ELAC2: variants seen among roughly 807,000 people sequenced by gnomAD.
ELAC2 encodes the protein elaC ribonuclease Z 2, also known as zinc phosphodiesterase ELAC protein 2.
ELAC2 carries 92 observed loss-of-function variants against 105.2 expected under a neutral mutation model. The ratio of observed to expected loss-of-function variants is 0.87; its 90% CI spans 0.74 to 1.04. The LOEUF (loss-of-function observed/expected upper bound fraction) is 1.04, where lower values mean the gene tolerates loss of function less well. Among genes scored for constraint, ELAC2 ranks in the 50% least tolerant of loss-of-function variants. ELAC2 has a pLI of 0.00. For missense variants in ELAC2, 1,099 were observed against 1,071.7 expected, an observed-to-expected ratio of 1.03 and a Z score of -0.36; for synonymous variants, 468 against 409.1, an observed-to-expected ratio of 1.14 and a Z score of -1.74.
intron 6 of ELAC2, among the ~76,000 whole-genome samples, chr17:13,012,243 A>T (rs2041456356): frequency 6.6e-6 from 1 of 152,246 alleles, no homozygotes; most frequent in African/African-American, 2.4e-5. Flanking sequence ...GGACACTGAA[A>T]AAACAGTGAT....
intron 8 of ELAC2, 175 bp from the exon 9 acceptor site, chr17:13,006,154 T>C: frequency 4.4e-6 from 3 of 679,602 alleles, no homozygotes; most frequent in Non-Finnish European, 5.2e-6. Context: ...GCAGATCACC[T>C]GAGGTCAGGA....
rs771550822 is a variant in ELAC2, at chr17:13,017,850, C to T, written c.98G>A (p.Arg33His). 4 of 1,564,686 alleles carry T rather than the reference C, an allele frequency of 2.6e-6. No homozygotes were observed. The highest frequency in any genetic ancestry group is 1.9e-5 in the Admixed American group (1 of 53,186). ...SQAPARRERPRKDPLRHLRTR... is the reference protein window; with the variant it reads ...SQAPARRERPHKDPLRHLRTR... ...GCGCAGGTGCCGCAGCGGGTCCTTGCGCGGCCGCTCGCGGCGGGCGGGTGC... is the reference window on the plus strand; with the variant it reads ...GCGCAGGTGCCGCAGCGGGTCCTTGTGCGGCCGCTCGCGGCGGGCGGGTGC... Residue 33 changes from arginine (R) to histidine (H), a missense_variant, in exon 1 of 24, where the codon CGC (arginine) becomes CAC (histidine). Physicochemically the swap from Arg to His is conservative, Grantham distance 29. Coordinates refer to ENST00000338034, the MANE Select transcript of ELAC2 (RefSeq NM_018127.7).
intron 16 of ELAC2, among the ~76,000 whole-genome samples, chr17:12,997,462 C>T (rs1006473132): frequency 4.6e-5 from 7 of 152,116 alleles, no homozygotes; most frequent in Admixed American, 1.3e-4. Flanking sequence ...AGTCGGGAGG[C>T]GGAGGCAAGG....
chr17:12,996,826 A>C, intron 16 of ELAC2, 141 bp from the exon 17 acceptor site: 1 of 1,145,350 alleles, frequency 8.7e-7, no homozygotes, highest in Non-Finnish European at 1.3e-6. Context: ...AGCTAATATA[A>C]AAGCCAATTA....
chr17:13,009,633 G>C (rs1008190295), intron 8 of ELAC2, among the ~76,000 whole-genome samples: 1 of 152,144 alleles, frequency 6.6e-6, no homozygotes, highest in Non-Finnish European at 1.5e-5. Context: ...TGGAGTTGAA[G>C]GAAAACAAAC....
At chr17:12,993,118 C>T in intron 23 of ELAC2, 73 bp from the exon 24 acceptor site, 1 of 1,452,530 alleles carries the variant, frequency 6.9e-7, no homozygotes, top group Non-Finnish European at 9.5e-7. Flanking sequence ...GGAAGGGATG[C>T]AGTCATGTGC....
intron 8 of ELAC2, 24 bp from the exon 9 acceptor site, chr17:13,006,003 T>G: frequency 1.2e-6 from 2 of 1,609,684 alleles, no homozygotes; most frequent in Non-Finnish European, 1.7e-6. Flanking sequence ...AACATAGATG[T>G]GATCTTAGGG....
chr17:12,997,120 C>T (rs1000653888), intron 16 of ELAC2, among the ~76,000 whole-genome samples: 2 of 152,074 alleles, frequency 1.3e-5, no homozygotes, highest in South Asian at 2.1e-4. Flanking sequence ...TGCAAGTGGT[C>T]GGGGTTTCCT....
Position 12,992,832 on chromosome 17 carries a change from C to G in ELAC2, c.2467G>C (p.Val823Leu). ...AHTEEPQAKK[V>L]RAQ is the part of the protein sequence containing the mutation. Reference sequence around the variant, plus strand: ...CTCCCAGATCTTCACTGGGCTCTGACCTTCTTGGCCTGTGGCTCCTCTGTG... The same window carrying G: ...CTCCCAGATCTTCACTGGGCTCTGAGCTTCTTGGCCTGTGGCTCCTCTGTG... The change falls in exon 24 of 24, where the codon GTC becomes CTC. Residue 823 changes from valine to leucine, a missense_variant. Transcript: ENST00000338034. 1 of 1,614,010 alleles carries G rather than the reference C, an allele frequency of 6.2e-7. No individual in the cohort carries two copies. Among genetic ancestry groups the G allele is most frequent in the East Asian group, 2.2e-5 (1 of 44,844 alleles).
At chr17:13,006,566 A>G (rs1384828840) in intron 8 of ELAC2, 4 of 159,774 alleles carry the variant, frequency 2.5e-5, no homozygotes, top group African/African-American at 9.6e-5. Context: ...ATGTAATTCA[A>G]TATGAAAGTT....
chr17:13,011,890 C>T (rs540147448), intron 6 of ELAC2, 108 bp from the exon 7 acceptor site: 138 of 1,539,808 alleles, frequency 9.0e-5, no homozygotes, highest in Non-Finnish European at 1.1e-4. Flanking sequence ...AATCAGCACA[C>T]CTTTTACTAT....
chr17:13,017,363 G>T, intron 1 of ELAC2: 1 of 625,396 alleles, frequency 1.6e-6, no homozygotes, highest in East Asian at 2.7e-5. Context: ...CTCCACCACC[G>T]GCTACACACC....
intron 4 of ELAC2, 61 bp from the exon 5 acceptor site, chr17:13,014,557 T>A: frequency 8.0e-7 from 1 of 1,242,388 alleles, no homozygotes; most frequent in Non-Finnish European, 1.2e-6. Context: ...CAGCAACTAT[T>A]CAAGTATTTA....
intron 1 of ELAC2, 188 bp downstream of exon 1, chr17:13,017,515 A>T: frequency 8.1e-7 from 1 of 1,239,540 alleles, no homozygotes; most frequent in Non-Finnish European, 1.1e-6. Context: ...GAAGTTCTTC[A>T]CAGATCCGCA....
Position 13,005,060 on chromosome 17 carries a change from A to G in ELAC2, c.912T>C (p.Ala304=), listed in dbSNP as rs778726624. The change falls in exon 11 of 24, where the codon GCT becomes GCC. Residue 304 remains alanine (A), a synonymous_variant. Transcript: ENST00000338034. ...CTGGACATTCTACCACCACAAAAGC[A>G]GCACCAGGATCTGGAGGAGTACACA... ...EELCTPPDPG[A]AFVVVECPDE... 1 of 1,614,232 alleles carries G rather than the reference A, an allele frequency of 6.2e-7. No homozygotes were observed. Among genetic ancestry groups the G allele is most frequent in the East Asian group, 2.2e-5 (1 of 44,886 alleles).
rs762659201 is a variant in ELAC2 at position 12,992,954 on chromosome 17, C to G, written c.2345G>C (p.Arg782Thr). 7 of 1,602,450 alleles carry G rather than the reference C, an allele frequency of 4.4e-6. No individual in the cohort carries two copies. Among genetic ancestry groups the G allele is most frequent in the Non-Finnish European group, 6.0e-6 (7 of 1,172,166 alleles). The change falls in exon 24 of 24, where the codon AGG becomes ACG. Residue 782 changes from arginine (R) to threonine (T), a missense_variant. Physicochemically the swap from Arg to Thr is moderately conservative, Grantham distance 71. Coordinates refer to ENST00000338034, the MANE Select transcript of ELAC2 (RefSeq NM_018127.7). Reference sequence around the variant, plus strand: ...CACCTGCCGCAGCTCCCGCTTCTCCCTGCGCTCCTCCATCTCCTCGATGTC... The same window carrying G: ...CACCTGCCGCAGCTCCCGCTTCTCCGTGCGCTCCTCCATCTCCTCGATGTC... ...AGDIEEMEER[R>T]EKRELRQVRA...
intron 1 of ELAC2, chr17:13,017,416 G>GA: frequency 4.7e-6 from 3 of 641,518 alleles, no homozygotes; most frequent in African/African-American, 1.8e-5. Flanking sequence ...CACTGGCCTT[G>GA]GGGTGCACGG....
chr17:13,011,930 C>T, intron 6 of ELAC2, 148 bp from the exon 7 acceptor site: 2 of 1,324,156 alleles, frequency 1.5e-6, no homozygotes, highest in Non-Finnish European at 2.1e-6. Flanking sequence ...TAGTTAACTT[C>T]CTACCTGGTT....
intron 13 of ELAC2, 38 bp from the exon 14 acceptor site, chr17:13,002,397 G>C: frequency 1.2e-6 from 2 of 1,614,156 alleles, no homozygotes; most frequent in Non-Finnish European, 1.7e-6. Context: ...GAGAAAGAGA[G>C]GGGACGAGAG....
Sources: gnomAD v4.1 joint callset for allele counts (sites outside exome capture counted in the v4.1 genomes callset) on GRCh38, gnomAD v4.1.1 for gene constraint, MANE v1.5 for transcripts, NCBI Gene and HGNC (gene_info 2026-07-23, HGNC 2026-07-21) for gene names.